CEP350: variants seen among roughly 807,000 people sequenced by gnomAD.
CEP350 encodes the protein centrosome-associated protein 350.
A neutral mutation model predicts 331.8 loss-of-function variants in CEP350; 126 were observed. That is an observed-to-expected ratio of 0.38 (90% CI 0.33 to 0.44). The LOEUF is 0.44. CEP350 is among the 20% of genes least tolerant of loss of function. CEP350 has a pLI of 1.00. For missense variants in CEP350, 3,406 were observed against 3,634.6 expected, an observed-to-expected ratio of 0.94 and a Z score of 1.62; for synonymous variants, 1,200 against 1,259.5, an observed-to-expected ratio of 0.95 and a Z score of 1.00.
At chr1:179,958,045 A>C (rs1650307799) in intron 1 of CEP350, among the ~76,000 whole-genome samples, 1 of 152,230 alleles carries the variant, frequency 6.6e-6, no homozygotes, top group African/African-American at 2.4e-5. Flanking sequence ...AGAAGAATCC[A>C]TTGCACAGCT....
chr1:180,014,496 G>GGAAACACAGGTAATAGTAGT lies in CEP350; in HGVS notation c.2046_2052+13dup. ...AGCCATCTCATCAACATGTTACGCA[G>GGAAACACAGGTAATAGTAGT]GAAACACAGGTAATAGTAGTGACAT... On this transcript the variant is annotated frameshift_variant, in exon 10 of 38. Transcript: ENST00000367607. LOFTEE classifies it high-confidence loss of function. The GGAAACACAGGTAATAGTAGT allele has an allele frequency of 6.2e-7, 1 of 1,601,572 alleles. No individual in the cohort carries two copies. The highest frequency in any genetic ancestry group is 8.5e-7 in the Non-Finnish European group (1 of 1,175,520).
intron 1 of CEP350, among the ~76,000 whole-genome samples, chr1:179,958,176 C>T (rs928484474): frequency 2.0e-5 from 3 of 151,716 alleles, no homozygotes; most frequent in Non-Finnish European, 2.9e-5. Context: ...TTTCATGAAT[C>T]CAAAGTGTTA....
intron 6 of CEP350, 30 bp from the exon 7 acceptor site, chr1:180,003,144 A>C (rs1371797806): frequency 1.4e-6 from 2 of 1,385,424 alleles, no homozygotes; most frequent in East Asian, 2.3e-5. Context: ...AACTTTGATA[A>C]GAATATTCTG....
At chr1:180,078,856 T>C (rs960299556) in intron 29 of CEP350, among the ~76,000 whole-genome samples, 182 bp downstream of exon 29, 6 of 152,202 alleles carry the variant, frequency 3.9e-5, no homozygotes, top group Non-Finnish European at 8.8e-5. Flanking sequence ...TTGGCATTAG[T>C]GAAGGTTATA....
intron 37 of CEP350, among the ~76,000 whole-genome samples, chr1:180,100,111 A>G (rs974245114): frequency 1.3e-5 from 2 of 152,176 alleles, no homozygotes; most frequent in Admixed American, 6.5e-5. Context: ...GATCCTCACG[A>G]TAATTACATG....
intron 6 of CEP350, among the ~76,000 whole-genome samples, chr1:179,999,932 C>G (rs1653749552): frequency 6.6e-6 from 1 of 152,050 alleles, no homozygotes; most frequent in Admixed American, 6.6e-5. Flanking sequence ...CTTTCTTGTA[C>G]TATATTTGGT....
chr1:180,024,389 CT>C, intron 13 of CEP350, 29 bp from the exon 14 acceptor site: 1 of 1,577,920 alleles, frequency 6.3e-7, no homozygotes, highest in Non-Finnish European at 8.6e-7. Context: ...ACTTTTCTTT[CT>C]GGAACTACTA....
At chr1:180,067,362 G>A (rs1251228911) in intron 27 of CEP350, among the ~76,000 whole-genome samples, 1 of 152,192 alleles carries the variant, frequency 6.6e-6, no homozygotes, top group Non-Finnish European at 1.5e-5. Context: ...AAAGGCAGTA[G>A]TGGCAAAGAA....
chr1:180,077,560 AG>A, intron 28 of CEP350, among the ~76,000 whole-genome samples: 1 of 145,196 alleles, frequency 6.9e-6, no homozygotes, highest in East Asian at 2.3e-4. Flanking sequence ...CCAGCTACTT[AG>A]GGGGCAGAGG....
intron 25 of CEP350, among the ~76,000 whole-genome samples, chr1:180,056,345 T>C (rs1657836065): frequency 6.6e-6 from 1 of 152,146 alleles, no homozygotes; most frequent in Non-Finnish European, 1.5e-5. Context: ...TTTACTATGA[T>C]GCATGTAGGC....
rs1038666282 is a variant in CEP350 at position 180,112,414 on chromosome 1, A to G, written c.*1253A>G. On this transcript the variant is annotated 3_prime_UTR_variant, in exon 38 of 38. Transcript: ENST00000367607. ...TAAAATGATTTAAAAACACTGTACA[A>G]TTTAACTCTGCCTCTCTTGCAGCAT... is the stretch of plus-strand genomic sequence containing the variant. 2.0e-5 allele frequency: 3 copies of G among 152,634 alleles called. No individual in the cohort carries two copies. Among genetic ancestry groups the G allele is most frequent in the African/African-American group, 4.8e-5 (2 of 41,458 alleles). 9.5% of individuals were successfully genotyped at this position (152,634 alleles called of 1,614,324 possible).
intron 13 of CEP350, among the ~76,000 whole-genome samples, chr1:180,024,155 A>T (rs968613978): frequency 6.6e-6 from 1 of 151,986 alleles, no homozygotes; most frequent in Non-Finnish European, 1.5e-5. Flanking sequence ...AATTGAGGCC[A>T]TATTTTCCAG....
intron 10 of CEP350, among the ~76,000 whole-genome samples, chr1:180,015,456 G>A (rs886076769): frequency 1.3e-5 from 2 of 151,892 alleles, no homozygotes; most frequent in African/African-American, 4.8e-5. Context: ...GGATGGTCTC[G>A]ATCTCCTGAC....
At chr1:179,963,744 T>C (rs2148549531) in intron 1 of CEP350, among the ~76,000 whole-genome samples, 1 of 152,288 alleles carries the variant, frequency 6.6e-6, no homozygotes, top group East Asian at 1.9e-4. Context: ...AGGATATCCT[T>C]GTAGTATAGT....
chr1:180,048,596 G>A lies in CEP350; in HGVS notation c.4683G>A (p.Glu1561=), dbSNP rs766103771. 5 of 1,610,700 alleles carry A rather than the reference G, an allele frequency of 3.1e-6. No homozygotes were observed. The highest frequency in any genetic ancestry group is 1.3e-5 in the African/African-American group (1 of 75,000). ...CAGTTCCATCTTGTAAGGAAAATGA[G>A]AAGAAACTTAATGGTGAAAAGATAG... ...SPSVPSCKEN[E]KKLNGEKIES... Residue 1561 remains glutamate, a synonymous_variant, in exon 22 of 38, where the codon GAG becomes GAA. Transcript: ENST00000367607.
chr1:180,034,127 A>AT lies in CEP350; in HGVS notation c.3946+52dup, dbSNP rs756178338. The AT allele has an allele frequency of 9.0e-6, 14 of 1,563,106 alleles. No homozygotes were observed. The South Asian group carries it at 1.6e-4, about 18-fold the overall frequency. On this transcript the variant is annotated intron_variant, in intron 16 of 37. Transcript: ENST00000367607. ...TGTAATTTTTAGAATACGATATGAA[A>AT]TTTTTTTCTCTCAACATTCCTTTTC...
chr1:180,002,410 G>C (rs1653924551), intron 6 of CEP350, among the ~76,000 whole-genome samples: 1 of 152,212 alleles, frequency 6.6e-6, no homozygotes, highest in Admixed American at 6.5e-5. Context: ...GGAGGTGGAG[G>C]TTGCAGTGAG....
At chr1:180,071,600 AACCCTGTCTC>A (rs764375980) in intron 27 of CEP350, among the ~76,000 whole-genome samples, 13 of 152,020 alleles carry the variant, frequency 8.6e-5, no homozygotes, top group Middle Eastern at 3.4e-3. Context: ...AACATGGTGA[AACCCTGTCTC>A]TACTAAAAAA....
chr1:180,029,510 G>C (rs12123139), intron 14 of CEP350, among the ~76,000 whole-genome samples: 21,595 of 152,102 alleles, frequency 0.14, 1,630 homozygotes, highest in African/African-American at 0.17. Context: ...GTGTACAGTT[G>C]AGTGGCATTA....
Sources: allele counts gnomAD v4.1 joint callset (sites outside exome capture counted in the v4.1 genomes callset), GRCh38; gene constraint gnomAD v4.1.1; transcripts MANE v1.5; gene names NCBI Gene and HGNC (gene_info 2026-07-23, HGNC 2026-07-21).